LNPK: variants seen among roughly 807,000 people sequenced by gnomAD.
LNPK encodes the protein endoplasmic reticulum junction formation protein lunapark.
A neutral mutation model predicts 55.2 loss-of-function variants in LNPK; 29 were observed. The ratio of observed to expected loss-of-function variants is 0.53; its 90% CI spans 0.39 to 0.72. The LOEUF (loss-of-function observed/expected upper bound fraction) is 0.72. Among genes scored for constraint, LNPK ranks in the 30% least tolerant of loss-of-function variants. The pLI, the probability that LNPK is intolerant of heterozygous loss-of-function variation, is 0.00. For synonymous variants in LNPK, 162 were observed against 168.2 expected, an observed-to-expected ratio of 0.96 and a Z score of 0.29; for missense variants, 467 against 494.8, an observed-to-expected ratio of 0.94 and a Z score of 0.53.
chr2:175,975,924 A>C (rs1393413541), intron 5 of LNPK, among the ~76,000 whole-genome samples: 1 of 152,188 alleles, frequency 6.6e-6, no homozygotes, highest in East Asian at 1.9e-4. Flanking sequence ...GAGGCAAGAG[A>C]ATTGCTTTAA....
intron 12 of LNPK, among the ~76,000 whole-genome samples, chr2:175,937,016 A>G (rs561444147): frequency 2.0e-5 from 3 of 152,316 alleles, no homozygotes; most frequent in Admixed American, 1.3e-4. Flanking sequence ...TCATAATTCC[A>G]ATAATCTGTT....
intron 11 of LNPK, 142 bp downstream of exon 11, chr2:175,938,171 C>G: frequency 1.8e-6 from 1 of 548,670 alleles, no homozygotes; most frequent in Non-Finnish European, 3.3e-6. Flanking sequence ...CTGCTTTGCT[C>G]TATGTACTAA....
rs902041490 is a variant in LNPK at position 175,947,370 on chromosome 2, C to G, written c.706+110G>C. 3 of 830,758 alleles carry G rather than the reference C, an allele frequency of 3.6e-6. No homozygotes were observed. In the African/African-American group the frequency reaches 5.1e-5, roughly 14 times the overall value. 51.5% of individuals were successfully genotyped at this position (830,758 alleles called of 1,614,324 possible). On this transcript the variant is annotated intron_variant, in intron 9 of 12. Coordinates refer to ENST00000272748, the MANE Select transcript of LNPK (RefSeq NM_030650.3). ...ACTCCTGCTTAATCAGATAACTGCTCTGCTATTTCCAAATGAAATGCCATT... is the reference window on the plus strand; with the variant it reads ...ACTCCTGCTTAATCAGATAACTGCTGTGCTATTTCCAAATGAAATGCCATT...
At position 175,938,304 on chromosome 2, in the gene LNPK, A is replaced by G; in HGVS notation, c.883+9T>C. 6.5e-7 allele frequency: 1 copy of G among 1,528,464 alleles called. No homozygotes were observed. Among genetic ancestry groups the G allele is most frequent in the East Asian group, 2.3e-5 (1 of 44,266 alleles). 94.7% of individuals were successfully genotyped at this position (1,528,464 alleles called of 1,614,324 possible). The stretch of plus-strand genomic sequence containing the variant: ...AAATATTTAAATCTCATTGCCCAAT[A>G]ATTCTTACCAATGTATTCAAATTCT... On this transcript the variant is annotated intron_variant, in intron 11 of 12. Coordinates refer to ENST00000272748, the MANE Select transcript of LNPK (RefSeq NM_030650.3).
intron 8 of LNPK, among the ~76,000 whole-genome samples, chr2:175,957,031 C>T (rs1425619836): frequency 2.0e-5 from 3 of 152,070 alleles, no homozygotes; most frequent in African/African-American, 7.2e-5. Context: ...ATTATCTCCC[C>T]CAACCTCATC....
At chr2:175,945,974 C>T (rs935071723) in intron 9 of LNPK, among the ~76,000 whole-genome samples, 1 of 152,068 alleles carries the variant, frequency 6.6e-6, no homozygotes, top group Non-Finnish European at 1.5e-5. Context: ...TGATTCTCTT[C>T]CACAAATATG....
rs1684137465 is a variant in LNPK, at chr2:175,928,824, T to A, written c.*1143A>T. 6.6e-6 allele frequency: 1 copy of A among 152,236 alleles called. No homozygotes were observed. The highest frequency in any genetic ancestry group is 6.6e-5 in the Admixed American group (1 of 15,266). 9.4% of individuals were successfully genotyped at this position (152,236 alleles called of 1,614,324 possible). A position where few individuals can be genotyped will look rare whatever the true frequency, so the allele number is the denominator to read the frequency against. On this transcript the variant is annotated 3_prime_UTR_variant, in exon 13 of 13. Coordinates refer to ENST00000272748, the MANE Select transcript of LNPK (RefSeq NM_030650.3). ...AATACAAATATTAAATCCAATTAAC[T>A]ACCAGCAACCCACTACCTATTCTCA...
At chr2:175,993,260 CTT>C in intron 2 of LNPK, 37 bp from the exon 3 acceptor site, 2 of 1,330,644 alleles carry the variant, frequency 1.5e-6, no homozygotes, top group Non-Finnish European at 2.1e-6. Flanking sequence ...AGCATTAAAA[CTT>C]ATCACAAACC....
intron 4 of LNPK, among the ~76,000 whole-genome samples, chr2:175,989,362 A>G (rs999306710): frequency 6.6e-6 from 1 of 152,192 alleles, no homozygotes; most frequent in South Asian, 2.1e-4. Flanking sequence ...GCAAAAACAA[A>G]TAAAAAAATT....
chr2:175,958,195 C>A (rs1275349036), intron 8 of LNPK, among the ~76,000 whole-genome samples: 3 of 152,250 alleles, frequency 2.0e-5, no homozygotes, highest in African/African-American at 7.2e-5. Context: ...TCTGACAGCT[C>A]TGAAGAGAGC....
intron 4 of LNPK, among the ~76,000 whole-genome samples, chr2:175,987,657 AAAACTT>A (rs751204438): frequency 1.1e-3 from 133 of 119,474 alleles, no homozygotes; most frequent in Non-Finnish European, 2.0e-3. Context: ...CATGTACCCT[AAAACTT>A]AAAGTATAAT....
chr2:176,000,264 C>T (rs1157897461), intron 1 of LNPK, among the ~76,000 whole-genome samples: 1 of 152,190 alleles, frequency 6.6e-6, no homozygotes, highest in African/African-American at 2.4e-5. Context: ...CACATACTAG[C>T]TATGCAATCT....
At chr2:175,933,889 A>G (rs891111110) in intron 12 of LNPK, among the ~76,000 whole-genome samples, 1 of 151,992 alleles carries the variant, frequency 6.6e-6, no homozygotes, top group African/African-American at 2.4e-5. Context: ...ACGCCACCAC[A>G]CCTGGATCAT....
rs1303661114 is a variant in LNPK at position 175,928,286 on chromosome 2, T to A, written c.*1681A>T. ...AAGACATTAATAAGAACAAATGCCA[T>A]CGTTTTCAGGTAGTGTGCTAGGCAC... On this transcript the variant is annotated 3_prime_UTR_variant, in exon 13 of 13. Coordinates refer to ENST00000272748, the MANE Select transcript of LNPK (RefSeq NM_030650.3). The A allele has an allele frequency of 6.6e-6, 1 of 152,110 alleles. No homozygotes were observed. Among genetic ancestry groups the A allele is most frequent in the African/African-American group, 2.4e-5 (1 of 41,426 alleles). The allele number at this position is 152,110 out of a possible 1,614,324, so 9.4% of individuals were successfully genotyped here. A position where few individuals can be genotyped will look rare whatever the true frequency, so the allele number is the denominator to read the frequency against.
intron 8 of LNPK, among the ~76,000 whole-genome samples, chr2:175,950,110 GTTAA>G (rs1386363841): frequency 1.3e-5 from 2 of 151,966 alleles, no homozygotes; most frequent in African/African-American, 2.4e-5. Context: ...ATGCCATAAG[GTTAA>G]TTCTCAACCG....
In LNPK at chr2:175,929,685, T is replaced by A. The variant is rs1287707661; in HGVS notation, c.*282A>T. On this transcript the variant is annotated 3_prime_UTR_variant, in exon 13 of 13. Coordinates refer to ENST00000272748, the MANE Select transcript of LNPK (RefSeq NM_030650.3). ...CATACAGAAAACAAGAAGGCAATCA[T>A]GTTTGCTTACTTTTAGAATGGACAA... 2 of 1,210,002 alleles carry A rather than the reference T, an allele frequency of 1.7e-6. No individual in the cohort carries two copies. Among genetic ancestry groups the A allele is most frequent in the African/African-American group, 3.1e-5 (2 of 64,450 alleles). 75.0% of individuals were successfully genotyped at this position (1,210,002 alleles called of 1,614,324 possible). A position where few individuals can be genotyped will look rare whatever the true frequency, so the allele number is the denominator to read the frequency against.
At chr2:175,970,697 C>A in intron 6 of LNPK, 67 bp downstream of exon 6, 1 of 879,088 alleles carries the variant, frequency 1.1e-6, no homozygotes. Context: ...ACTTCCAACA[C>A]ATAAACATTA....
chr2:175,993,261 T>C (rs1210011431), intron 2 of LNPK, 38 bp from the exon 3 acceptor site: 1 of 1,311,650 alleles, frequency 7.6e-7, no homozygotes, highest in Non-Finnish European at 1.0e-6. Context: ...GCATTAAAAC[T>C]TATCACAAAC....
chr2:175,981,612 A>G (rs1470699115), intron 4 of LNPK, among the ~76,000 whole-genome samples: 2 of 152,230 alleles, frequency 1.3e-5, no homozygotes, highest in Non-Finnish European at 2.9e-5. Flanking sequence ...ACCTCAAGAA[A>G]AAAGCAAAAG....
Sources: allele counts gnomAD v4.1 joint callset (sites outside exome capture counted in the v4.1 genomes callset), GRCh38; gene constraint gnomAD v4.1.1; transcripts MANE v1.5; gene names NCBI Gene and HGNC (gene_info 2026-07-23, HGNC 2026-07-21).